The following NXPE4 variants were observed in gnomAD, a reference collection of about 807,000 sequenced individuals.
The protein encoded by NXPE4 is neurexophilin and PC-esterase domain family member 4, also known as NXPE family member 4.
A neutral mutation model predicts 33.3 loss-of-function variants in NXPE4; 42 were observed. The ratio of observed to expected loss-of-function variants is 1.26; its 90% CI spans 0.98 to 1.63. NXPE4 has a LOEUF of 1.63. Ranked by LOEUF, NXPE4 falls within the 40% of genes most tolerant of loss-of-function variation. The probability of loss-of-function intolerance (pLI) is 0.00; values close to 1 mark genes in which losing one functional copy is unlikely to be tolerated. For synonymous variants in NXPE4, 253 were observed against 234.9 expected, an observed-to-expected ratio of 1.08 and a Z score of -0.71; for missense variants, 709 against 647.6, an observed-to-expected ratio of 1.09 and a Z score of -1.03.
At chr11:114,585,096 A>G (rs1293600942) in intron 2 of NXPE4, among the ~76,000 whole-genome samples, 1 of 151,982 alleles carries the variant, frequency 6.6e-6, no homozygotes. Context: ...CCTAAGTAAC[A>G]TCAGCCATTT....
chr11:114,622,146 G>A, the NXPE4 span, among the ~76,000 whole-genome samples: 29 of 152,104 alleles, frequency 1.9e-4, no homozygotes, highest in South Asian at 3.9e-3. Context: ...TGCCTCATGG[G>A]TAGCCACTGT....
the NXPE4 span, among the ~76,000 whole-genome samples, chr11:114,641,098 T>G: frequency 6.6e-6 from 1 of 151,922 alleles, no homozygotes; most frequent in African/African-American, 2.4e-5. Flanking sequence ...GTATAATAAC[T>G]GAAGTAAATA....
the NXPE4 span, among the ~76,000 whole-genome samples, chr11:114,610,784 G>A: frequency 2.0e-5 from 3 of 151,940 alleles, no homozygotes; most frequent in Admixed American, 2.0e-4. Flanking sequence ...CTGTTACCCA[G>A]TGGATAATAA....
At chr11:114,619,749 C>T in the NXPE4 span, among the ~76,000 whole-genome samples, 1 of 152,210 alleles carries the variant, frequency 6.6e-6, no homozygotes, top group East Asian at 1.9e-4. Context: ...TAAGTATTGC[C>T]TCTTGGGTAA....
chr11:114,616,209 C>G, the NXPE4 span, among the ~76,000 whole-genome samples: 1 of 151,460 alleles, frequency 6.6e-6, no homozygotes, highest in Non-Finnish European at 1.5e-5. Context: ...CTGCTGTTAC[C>G]TGGTGGATAA....
At chr11:114,662,379 G>A in the NXPE4 span, among the ~76,000 whole-genome samples, 2 of 152,136 alleles carry the variant, frequency 1.3e-5, no homozygotes, top group African/African-American at 2.4e-5. Flanking sequence ...TACCCATCCG[G>A]GTTGTTGGAA....
the NXPE4 span, among the ~76,000 whole-genome samples, chr11:114,631,912 C>T: frequency 2.6e-5 from 4 of 151,294 alleles, no homozygotes; most frequent in South Asian, 8.3e-4. Context: ...TCGTGGGTCA[C>T]TACTGTTACC....
chr11:114,638,496 C>T, the NXPE4 span, among the ~76,000 whole-genome samples: 1 of 152,008 alleles, frequency 6.6e-6, no homozygotes, highest in Non-Finnish European at 1.5e-5. Context: ...AACTTTGTTC[C>T]ATTGCTGGTG....
the NXPE4 span, among the ~76,000 whole-genome samples, chr11:114,632,996 T>C: frequency 1.3e-4 from 14 of 105,740 alleles, no homozygotes; most frequent in African/African-American, 5.1e-4. Context: ...TTATATAATA[T>C]ATAATAATAT....
upstream of NXPE4, among the ~76,000 whole-genome samples, chr11:114,600,753 C>T (rs1252441130): frequency 6.6e-6 from 1 of 151,846 alleles, no homozygotes; most frequent in African/African-American, 2.4e-5. Context: ...TACTAGTGTA[C>T]CAATGTTAAT....
At chr11:114,637,749 C>T in the NXPE4 span, among the ~76,000 whole-genome samples, 1 of 151,548 alleles carries the variant, frequency 6.6e-6, no homozygotes, top group Non-Finnish European at 1.5e-5. Flanking sequence ...ATATGAAATT[C>T]TGGGTTGAAA....
At position 114,582,728 on chromosome 11, in the gene NXPE4, C is replaced by T. The variant is rs1287174783; in HGVS notation, c.390G>A (p.Arg130=). 4 of 1,614,062 alleles carry T rather than the reference C, an allele frequency of 2.5e-6. No homozygotes were observed. The highest frequency in any genetic ancestry group is 1.7e-5 in the Admixed American group (1 of 60,006). Residue 130 remains arginine, a synonymous_variant, in exon 3 of 6, where the codon AGG becomes AGA. Coordinates refer to ENST00000375478, the MANE Select transcript of NXPE4 (RefSeq NM_001077639.2). ...TCAGGAAATCCCCGCCATATTGCTTCCTGCGTCCCAAGTGGTCCCTCACCT... is the reference window on the plus strand; with the variant it reads ...TCAGGAAATCCCCGCCATATTGCTTTCTGCGTCCCAAGTGGTCCCTCACCT... ...LLEVRDHLGR[R]KQYGGDFLRA... is the part of the protein sequence containing the mutation.
At chr11:114,648,755 ACTT>A in the NXPE4 span, among the ~76,000 whole-genome samples, 17 of 152,214 alleles carry the variant, frequency 1.1e-4, no homozygotes, top group Admixed American at 9.2e-4. Context: ...AAACTTACTA[ACTT>A]CTTCTCCAGA....
At chr11:114,602,881 CAT>C in the NXPE4 span, among the ~76,000 whole-genome samples, 57 of 146,726 alleles carry the variant, frequency 3.9e-4, no homozygotes, top group Admixed American at 6.2e-4. Context: ...ATTATAGAAA[CAT>C]AATTATCTAA....
At chr11:114,586,071 C>T (rs1245032155) in intron 2 of NXPE4, among the ~76,000 whole-genome samples, 1 of 152,156 alleles carries the variant, frequency 6.6e-6, no homozygotes, top group Non-Finnish European at 1.5e-5. Context: ...GTGTGCTATG[C>T]AAATGTTACA....
chr11:114,627,117 T>G, the NXPE4 span, among the ~76,000 whole-genome samples: 8 of 151,992 alleles, frequency 5.3e-5, no homozygotes, highest in Non-Finnish European at 8.8e-5. Context: ...CCAGGAGAAC[T>G]TCCCCAATCT....
the NXPE4 span, among the ~76,000 whole-genome samples, chr11:114,637,870 G>A: frequency 6.6e-6 from 1 of 151,950 alleles, no homozygotes; most frequent in Non-Finnish European, 1.5e-5. Context: ...AGGGTAACCC[G>A]ACCTTTCTCT....
chr11:114,604,336 G>A, the NXPE4 span, among the ~76,000 whole-genome samples: 33 of 151,930 alleles, frequency 2.2e-4, no homozygotes, highest in African/African-American at 6.5e-4. Context: ...GTGTTGCTTC[G>A]TGGGTAACCA....
At position 114,571,194 on chromosome 11, in the gene NXPE4, T is replaced by C. The variant is rs771614032; in HGVS notation, c.1379A>G (p.His460Arg). 95 of 1,613,944 alleles carry C rather than the reference T, an allele frequency of 5.9e-5. No individual in the cohort carries two copies. In the East Asian group the frequency reaches 2.0e-3, roughly 34 times the overall value. Residue 460 changes from histidine to arginine, a missense_variant, in exon 6 of 6, where the codon CAT becomes CGT. Transcript: ENST00000375478. ...RALNVHKAIQ[H>R]LLLRSPDTMV... The stretch of plus-strand genomic sequence containing the variant: ...AGTGTCTGGGCTTCTCAGAAGAAGA[T>C]GCTGAATGGCTTTGTGGACATTGAG...
Sources: gnomAD v4.1 joint callset for allele counts (sites outside exome capture counted in the v4.1 genomes callset) on GRCh38, gnomAD v4.1.1 for gene constraint, MANE v1.5 for transcripts, NCBI Gene and HGNC (gene_info 2026-07-23, HGNC 2026-07-21) for gene names.